UBE3A: variants seen among roughly 807,000 people sequenced by gnomAD.
UBE3A encodes ubiquitin-protein ligase E3A.
A neutral mutation model predicts 83.4 loss-of-function variants in UBE3A; 6 were observed. That is an observed-to-expected ratio of 0.07 (90% CI 0.04 to 0.14). The LOEUF (loss-of-function observed/expected upper bound fraction) is 0.14. Among genes scored for constraint, UBE3A ranks in the 10% least tolerant of loss-of-function variants. UBE3A has a pLI of 1.00. For missense variants in UBE3A, 456 were observed against 1,036.1 expected (o/e 0.44, Z 7.69); for synonymous variants, 337 against 355.4 (o/e 0.95, Z 0.58).
intron 4 of UBE3A, among the ~76,000 whole-genome samples, chr15:25,392,268 C>T (rs528205797): frequency 1.4e-4 from 21 of 152,214 alleles, no homozygotes; most frequent in Admixed American, 1.1e-3. Flanking sequence ...TTTTACTTGG[C>T]CTTCCTAAGA....
chr15:25,428,408 A>C (rs1360146881), intron 1 of UBE3A, among the ~76,000 whole-genome samples: 1 of 152,222 alleles, frequency 6.6e-6, no homozygotes, highest in African/African-American at 2.4e-5. Context: ...GCACAATCAT[A>C]AAGAAAAAGA....
intron 6 of UBE3A, among the ~76,000 whole-genome samples, chr15:25,367,174 T>C (rs576164102): frequency 1.1e-4 from 11 of 96,932 alleles, no homozygotes; most frequent in African/African-American, 6.5e-4. Flanking sequence ...TATATTTACA[T>C]ATTTGTAAAT....
At chr15:25,341,783 CA>C (rs60827150) in intron 11 of UBE3A, among the ~76,000 whole-genome samples, 4,433 of 81,638 alleles carry the variant, frequency 0.054, 266 homozygotes, top group African/African-American at 0.16. Context: ...AATTTCATCT[CA>C]AAAAAAAAAA....
Position 25,370,262 on chromosome 15 carries a change from G to C in UBE3A, c.1608+304C>G, listed in dbSNP as rs117769430. ...GTATCTCCACATTTCTCTTGTTCTG[G>C]TCTTTGTCCAACACTCTATTCTCTT... On this transcript the variant is annotated intron_variant, in intron 6 of 12. Transcript: ENST00000648336. This position sits in a 1 kb window ranked among gnomAD's most constrained non-coding sequence, Gnocchi z 4.2. 5.5e-3 allele frequency among the ~76,000 whole-genome samples: 841 copies of C among 152,164 alleles called. 4 individuals carry two copies. Among genetic ancestry groups the C allele is most frequent in the Non-Finnish European group, 9.0e-3 (614 of 68,014 alleles).
intron 11 of UBE3A, among the ~76,000 whole-genome samples, chr15:25,341,980 T>C (rs2074924473): frequency 6.6e-6 from 1 of 152,060 alleles, no homozygotes; most frequent in South Asian, 2.1e-4. Flanking sequence ...CTTGGCTTTC[T>C]CCAATCTCTT....
intron 4 of UBE3A, among the ~76,000 whole-genome samples, chr15:25,393,523 A>C (rs2084884106): frequency 6.6e-6 from 1 of 152,174 alleles, no homozygotes; most frequent in East Asian, 1.9e-4. Context: ...GCTGACAAGA[A>C]GTTCTATGTA....
intron 1 of UBE3A, among the ~76,000 whole-genome samples, chr15:25,434,997 C>T (rs189782611): frequency 3.3e-5 from 5 of 149,996 alleles, no homozygotes; most frequent in Admixed American, 6.6e-5. Flanking sequence ...CACACACACA[C>T]ACACACACAC....
rs868631318 is a variant in UBE3A, at chr15:25,439,020, G to C, written c.-696C>G. 6.6e-6 allele frequency: 1 copy of C among 152,028 alleles called. No individual in the cohort carries two copies. 9.4% of individuals were successfully genotyped at this position (152,028 alleles called of 1,614,324 possible). Reference sequence around the variant, plus strand: ...CTCGCGGCCGCGGCGCAAGACGGGAGGACTGGCTGGGCGGGCCGAGTATCC... The same window carrying C: ...CTCGCGGCCGCGGCGCAAGACGGGACGACTGGCTGGGCGGGCCGAGTATCC... On this transcript the variant is annotated 5_prime_UTR_variant, in exon 1 of 13. Coordinates refer to ENST00000648336, the MANE Select transcript of UBE3A (RefSeq NM_130839.5).
intron 4 of UBE3A, among the ~76,000 whole-genome samples, chr15:25,386,414 C>T (rs2083147454): frequency 6.6e-6 from 1 of 152,066 alleles, no homozygotes; most frequent in South Asian, 2.1e-4. Context: ...GAATCTAAAA[C>T]AACTATGATT....
intron 1 of UBE3A, among the ~76,000 whole-genome samples, chr15:25,424,429 CTTAT>C (rs879536586): frequency 1.3e-5 from 2 of 152,270 alleles, no homozygotes; most frequent in South Asian, 2.1e-4. Flanking sequence ...AAACACTTCC[CTTAT>C]TTGTTTCTTC....
In UBE3A at chr15:25,339,095, T is replaced by G; in HGVS notation, c.*42A>C. On this transcript the variant is annotated 3_prime_UTR_variant, in exon 13 of 13. Coordinates refer to ENST00000648336, the MANE Select transcript of UBE3A (RefSeq NM_130839.5). ...TAAAATTTTTTAAATTTTTTCTTTT[T>G]TTTTCCTTCCTTTTTTTTGTTTTAT... The G allele has an allele frequency of 6.7e-7, 1 of 1,487,632 alleles. No homozygotes were observed. Among genetic ancestry groups the G allele is most frequent in the South Asian group, 1.4e-5 (1 of 73,908 alleles). The allele number at this position is 1,487,632 out of a possible 1,614,324, so 92.2% of individuals were successfully genotyped here.
At position 25,334,059 on chromosome 15, in the gene UBE3A, A is replaced by T. The variant is rs542009158; in HGVS notation, c.*5078T>A. 6.6e-6 allele frequency: 1 copy of T among 152,188 alleles called. No homozygotes were observed. The highest frequency in any genetic ancestry group is 2.4e-5 in the African/African-American group (1 of 41,462). The allele number at this position is 152,188 out of a possible 1,614,324, so 9.4% of individuals were successfully genotyped here. A position where few individuals can be genotyped will look rare whatever the true frequency, so the allele number is the denominator to read the frequency against. On this transcript the variant is annotated 3_prime_UTR_variant, in exon 13 of 13. Transcript: ENST00000648336. ...CAAGAAAAAGATGTCTGCTCTTGTC[A>T]CTTCTATCCAATATTGTACTGGAGG...
Position 25,430,321 on chromosome 15 carries a change from A to G in UBE3A, c.-165+8168T>C, listed in dbSNP as rs544412169. 1.6e-3 allele frequency among the ~76,000 whole-genome samples: 178 copies of G among 108,722 alleles called. 3 individuals carry two copies. Among genetic ancestry groups the G allele is most frequent in the African/African-American group, 6.2e-3 (171 of 27,746 alleles). The allele number at this position is 108,722 out of a possible 152,430, so 71.3% of individuals were successfully genotyped here. A position where few individuals can be genotyped will look rare whatever the true frequency, so the allele number is the denominator to read the frequency against. On this transcript the variant is annotated intron_variant, in intron 1 of 12. Transcript: ENST00000648336. ...AATACATATATATAAGATTATATAT[A>G]TATTATATATATAATACATATATAT...
chr15:25,402,831 C>T (rs1478006793), intron 4 of UBE3A, among the ~76,000 whole-genome samples: 1 of 152,158 alleles, frequency 6.6e-6, no homozygotes, highest in African/African-American at 2.4e-5. Flanking sequence ...CGTCTGGTTT[C>T]TTAGCTCTTA....
chr15:25,358,562 G>A (rs1395109280), intron 7 of UBE3A, among the ~76,000 whole-genome samples: 11 of 152,024 alleles, frequency 7.2e-5, no homozygotes, highest in Admixed American at 2.6e-4. Context: ...AATTAAGTCT[G>A]AAAAAAATCT....
intron 4 of UBE3A, 38 bp from the exon 5 acceptor site, chr15:25,375,801 T>G: frequency 6.2e-7 from 1 of 1,601,266 alleles, no homozygotes; most frequent in Non-Finnish European, 8.5e-7. Context: ...CAGTGATTAG[T>G]ACAGCTCTCA....
chr15:25,414,616 T>C (rs1412872499), intron 1 of UBE3A, among the ~76,000 whole-genome samples: 1 of 152,204 alleles, frequency 6.6e-6, no homozygotes, highest in Non-Finnish European at 1.5e-5. Flanking sequence ...GAGGTAATGA[T>C]GGTAGCACTA....
intron 4 of UBE3A, among the ~76,000 whole-genome samples, chr15:25,378,195 A>C (rs1385063348): frequency 6.6e-6 from 1 of 152,174 alleles, no homozygotes; most frequent in Admixed American, 6.5e-5. Context: ...TTTTAATGTG[A>C]GCTTTTATAC....
intron 11 of UBE3A, among the ~76,000 whole-genome samples, chr15:25,342,570 A>G (rs997620844): frequency 4.6e-5 from 7 of 152,204 alleles, no homozygotes; most frequent in Non-Finnish European, 8.8e-5. Flanking sequence ...TTTCCACATA[A>G]AAGTGGTGGC....
Sources: allele counts gnomAD v4.1 joint callset (sites outside exome capture counted in the v4.1 genomes callset), GRCh38; gene constraint gnomAD v4.1.1; non-coding constraint Gnocchi (gnomAD v3.1); transcripts MANE v1.5; gene names NCBI Gene and HGNC (gene_info 2026-07-23, HGNC 2026-07-21).